Variants in PHIP observed in about 807,000 individuals in gnomAD.
PHIP encodes PH-interacting protein.
In PHIP, 54 loss-of-function variants were observed where a neutral mutation model predicts 236.8. The ratio of observed to expected loss-of-function variants is 0.23; its 90% confidence interval spans 0.18 to 0.29. The LOEUF is 0.29. PHIP is among the 10% of genes least tolerant of loss of function. The pLI is 1.00. For synonymous variants in PHIP, 756 were observed against 718.9 expected, an observed-to-expected ratio of 1.05 and a Z score of -0.83; for missense variants, 1,370 against 2,190.8, an observed-to-expected ratio of 0.63 and a Z score of 7.48.
intron 25 of PHIP, 97 bp downstream of exon 25, chr6:78,970,684 C>A (rs536589185): frequency 1.4e-6 from 1 of 729,106 alleles, no homozygotes; most frequent in Non-Finnish European, 2.3e-6. Flanking sequence ...CTTCATGATG[C>A]AGTTTCTTAT....
chr6:79,069,222 T>C (rs1408251643), intron 4 of PHIP, among the ~76,000 whole-genome samples: 1 of 148,974 alleles, frequency 6.7e-6, no homozygotes, highest in Non-Finnish European at 1.5e-5. Flanking sequence ...TATAAATTTA[T>C]AGAAATACTA....
intron 7 of PHIP, among the ~76,000 whole-genome samples, chr6:79,041,626 A>G (rs1772218191): frequency 6.6e-6 from 1 of 152,094 alleles, no homozygotes; most frequent in African/African-American, 2.4e-5. Flanking sequence ...GAATATACCC[A>G]TATTAAACTT....
intron 39 of PHIP, among the ~76,000 whole-genome samples, chr6:78,944,201 AAAG>A (rs1339109358): frequency 2.6e-5 from 4 of 152,084 alleles, no homozygotes; most frequent in Non-Finnish European, 5.9e-5. Context: ...CAAAAGAGAG[AAAG>A]AAGGTAAAAG....
Position 78,985,412 on chromosome 6 carries a change from G to A in PHIP, c.2477C>T (p.Ala826Val). The A allele has an allele frequency of 6.3e-7, 1 of 1,587,730 alleles. No homozygotes were observed. The highest frequency in any genetic ancestry group is 2.2e-5 in the East Asian group (1 of 44,752). Residue 826 changes from alanine (A) to valine (V), a missense_variant, in exon 22 of 40, where the codon GCT becomes GTT. By Grantham distance (64) the Ala-to-Val change is moderately conservative (BLOSUM62 0). Transcript: ENST00000275034. The part of the protein sequence containing the change: ...SSSSDEGEVV[A>V]VSGGTSEEEE... ...TTCTTCGGATGTTCCACCACTGACA[G>A]CAACTACTTCGCCTTCCTAAGATAT... is the stretch of plus-strand genomic sequence containing the variant.
At chr6:79,072,526 C>T (rs778781948) in intron 4 of PHIP, among the ~76,000 whole-genome samples, 7 of 151,798 alleles carry the variant, frequency 4.6e-5, no homozygotes, top group African/African-American at 9.7e-5. Context: ...GTGTCACCCA[C>T]GCTGGAGGGC....
chr6:79,012,325 C>A (rs1397313899), intron 15 of PHIP, among the ~76,000 whole-genome samples: 1 of 151,696 alleles, frequency 6.6e-6, no homozygotes, highest in Non-Finnish European at 1.5e-5. Context: ...GTATAGTCTA[C>A]ATTCCTTATT....
At position 79,020,517 on chromosome 6, in the gene PHIP, A is replaced by G. The variant is rs190311304; in HGVS notation, c.924-1358T>C. ...GGCAACTAAATGCATTGCTTTCATT[A>G]CTACCTTATGGATTATAGCTCTAGA... On this transcript the variant is annotated intron_variant, in intron 9 of 39. Coordinates refer to ENST00000275034, the MANE Select transcript of PHIP (RefSeq NM_017934.7). 2.9e-3 allele frequency among the ~76,000 whole-genome samples: 440 copies of G among 152,334 alleles called. 2 individuals are homozygous for G. The highest frequency in any genetic ancestry group is 9.8e-3 in the African/African-American group (408 of 41,584).
In PHIP at chr6:78,940,548, G is replaced by GTTTTTTT. The variant is rs36155238; in HGVS notation, c.*138_*144dup. 440 of 82,710 alleles carry GTTTTTTT rather than the reference G, an allele frequency of 5.3e-3. 74 individuals carry two copies. Among genetic ancestry groups the GTTTTTTT allele is most frequent in the African/African-American group, 9.5e-3 (168 of 17,662 alleles). 5.1% of individuals were successfully genotyped at this position (82,710 alleles called of 1,614,324 possible). ...AAGAAGTGAAGTGTCTCGTAAGTTT[G>GTTTTTTT]TTTTTTTTTTTTTTTTTTTTTTTGC... On this transcript the variant is annotated 3_prime_UTR_variant, in exon 40 of 40. Coordinates refer to ENST00000275034, the MANE Select transcript of PHIP (RefSeq NM_017934.7).
At position 78,978,688 on chromosome 6, in the gene PHIP, A is replaced by T. The variant is rs1164005345; in HGVS notation, c.2793T>A (p.Thr931=). The T allele has an allele frequency of 1.9e-6, 3 of 1,596,132 alleles. No homozygotes were observed. Among genetic ancestry groups the T allele is most frequent in the Non-Finnish European group, 2.6e-6 (3 of 1,167,598 alleles). Residue 931 remains threonine (T), a synonymous_variant, in exon 24 of 40, where the codon ACT becomes ACA. Coordinates refer to ENST00000275034, the MANE Select transcript of PHIP (RefSeq NM_017934.7). ...ATTCTTCTAATGTCAAACCATTTTC[A>T]GTTAGTTCTCCCACAGCCAATCTCT... ...KQKRLAVGEL[T]ENGLTLEEWL...
intron 29 of PHIP, among the ~76,000 whole-genome samples, chr6:78,963,549 A>C (rs940995291): frequency 2.6e-5 from 4 of 152,292 alleles, no homozygotes; most frequent in African/African-American, 9.6e-5. Flanking sequence ...GCAAATTTCA[A>C]AGTTTTCTGA....
chr6:78,986,031 C>G (rs1367445358), intron 21 of PHIP, among the ~76,000 whole-genome samples: 2 of 152,074 alleles, frequency 1.3e-5, no homozygotes, highest in African/African-American at 4.8e-5. Flanking sequence ...ATAACAAATT[C>G]CATATTTACA....
rs978645762 is a variant in PHIP, at chr6:78,962,946, A to G, written c.3535+151T>C. 9 of 630,914 alleles carry G rather than the reference A, an allele frequency of 1.4e-5. No homozygotes were observed. In the Admixed American group the frequency reaches 1.4e-4, roughly 10 times the overall value. The allele number at this position is 630,914 out of a possible 1,614,324, so 39.1% of individuals were successfully genotyped here. On this transcript the variant is annotated intron_variant, in intron 30 of 39. Coordinates refer to ENST00000275034, the MANE Select transcript of PHIP (RefSeq NM_017934.7). ...TTTTAAATAGTTAAGTCCTGTGTTA[A>G]GACCACATTCAAAAAGAGATTCCAC...
Position 79,059,594 on chromosome 6 carries a change from T to C in PHIP, c.439+884A>G, listed in dbSNP as rs1401663714. ...AAACAAAAAGTTGAAAGCAAAATTA[T>C]ATATATATATATATATATATATATA... On this transcript the variant is annotated intron_variant, in intron 6 of 39. Coordinates refer to ENST00000275034, the MANE Select transcript of PHIP (RefSeq NM_017934.7). 2.1e-4 allele frequency among the ~76,000 whole-genome samples: 10 copies of C among 48,688 alleles called. No individual in the cohort carries two copies. In the East Asian group the frequency reaches 8.2e-3, roughly 40 times the overall value. The allele number at this position is 48,688 out of a possible 152,430, so 31.9% of individuals were successfully genotyped here.
chr6:78,968,545 T>C (rs1767305818), intron 27 of PHIP, among the ~76,000 whole-genome samples: 1 of 152,220 alleles, frequency 6.6e-6, no homozygotes, highest in Admixed American at 6.5e-5. Context: ...TTGGTATCCA[T>C]GGAGGTCCTG....
At chr6:79,063,128 A>G (rs945692332) in intron 4 of PHIP, among the ~76,000 whole-genome samples, 37 of 152,328 alleles carry the variant, frequency 2.4e-4, no homozygotes, top group Middle Eastern at 3.4e-3. Context: ...TTGGGGGTTC[A>G]TAAGACTCAT....
intron 4 of PHIP, among the ~76,000 whole-genome samples, chr6:79,076,913 A>G (rs1255030263): frequency 6.6e-6 from 1 of 152,092 alleles, no homozygotes; most frequent in Non-Finnish European, 1.5e-5. Context: ...AAAACAAAAT[A>G]AACGACAGAG....
chr6:78,945,204 G>A (rs2127681476), intron 39 of PHIP, 96 bp downstream of exon 39: 1 of 904,234 alleles, frequency 1.1e-6, no homozygotes, highest in East Asian at 2.4e-5. Flanking sequence ...CTTTTAAGTG[G>A]GCAACCTGAA....
intron 35 of PHIP, among the ~76,000 whole-genome samples, chr6:78,948,493 T>C (rs1773954537): frequency 6.6e-6 from 1 of 151,462 alleles, no homozygotes; most frequent in South Asian, 2.1e-4. Flanking sequence ...GGACAAAGAG[T>C]ATTGTACCCC....
intron 4 of PHIP, among the ~76,000 whole-genome samples, chr6:79,071,541 A>C (rs1013027239): frequency 2.0e-5 from 3 of 152,218 alleles, no homozygotes; most frequent in Non-Finnish European, 4.4e-5. Flanking sequence ...TGCCACTTTT[A>C]GATATAACCA....
Sources: gnomAD v4.1 joint callset for allele counts (sites outside exome capture counted in the v4.1 genomes callset) on GRCh38, gnomAD v4.1.1 for gene constraint, MANE v1.5 for transcripts, NCBI Gene and HGNC (gene_info 2026-07-23, HGNC 2026-07-21) for gene names.